Variants in SLC25A21 observed in about 807,000 individuals in gnomAD.
The protein encoded by SLC25A21 is mitochondrial 2-oxodicarboxylate carrier.
Under a neutral mutation model 43.8 loss-of-function variants are expected in SLC25A21, and 47 were observed. The observed-to-expected ratio is 1.07, with a 90% CI of 0.85 to 1.37. The LOEUF is 1.37. Among genes scored for constraint, SLC25A21 ranks in the 40% most tolerant of loss-of-function variants. SLC25A21 has a pLI of 0.00. For synonymous variants in SLC25A21, 131 were observed against 121.3 expected, an observed-to-expected ratio of 1.08 and a Z score of -0.52; for missense variants, 352 against 350.2, an observed-to-expected ratio of 1.00 and a Z score of -0.04.
At chr14:36,802,454 C>G (rs1357475027) in intron 3 of SLC25A21, among the ~76,000 whole-genome samples, 1 of 152,078 alleles carries the variant, frequency 6.6e-6, no homozygotes, top group East Asian at 1.9e-4. Flanking sequence ...TATTTATATT[C>G]CATATATTAA....
intron 1 of SLC25A21, among the ~76,000 whole-genome samples, chr14:36,921,214 G>A (rs1382079586): frequency 5.3e-5 from 8 of 152,092 alleles, no homozygotes; most frequent in Non-Finnish European, 1.2e-4. Context: ...AATTGACCTT[G>A]TTTCTATATG....
chr14:37,081,178 G>A (rs1308249529), intron 1 of SLC25A21, among the ~76,000 whole-genome samples: 1 of 152,190 alleles, frequency 6.6e-6, no homozygotes, highest in African/African-American at 2.4e-5. Flanking sequence ...TTGGGAACGT[G>A]AGAAAAGCCG....
intron 6 of SLC25A21, among the ~76,000 whole-genome samples, chr14:36,722,948 C>T (rs775060856): frequency 6.6e-6 from 1 of 152,128 alleles, no homozygotes; most frequent in Non-Finnish European, 1.5e-5. Flanking sequence ...TTATACTTAA[C>T]AACCCACAAA....
chr14:37,149,245 G>C (rs2138931619), intron 1 of SLC25A21, among the ~76,000 whole-genome samples: 1 of 151,816 alleles, frequency 6.6e-6, no homozygotes, highest in South Asian at 2.1e-4. Context: ...CAAAATACAA[G>C]GTATACACCA....
chr14:36,705,073 C>T (rs534978047), intron 7 of SLC25A21, among the ~76,000 whole-genome samples: 4 of 151,940 alleles, frequency 2.6e-5, no homozygotes, highest in South Asian at 2.1e-4. Flanking sequence ...TTTTTTGAGA[C>T]GGATCTCACT....
At position 37,135,524 on chromosome 14, in the gene SLC25A21, A is replaced by G. The variant is rs368209142; in HGVS notation, c.70+36757T>C. 1.2e-4 allele frequency among the ~76,000 whole-genome samples: 18 copies of G among 152,330 alleles called. No individual in the cohort carries two copies. The South Asian group carries it at 1.4e-3, about 12-fold the overall frequency. ...ATTACAGGCATGAGCCACCATGTCC[A>G]GCAGAAAAACTAAAAATTCTATGTC... On this transcript the variant is annotated intron_variant, in intron 1 of 9. Coordinates refer to ENST00000331299, the MANE Select transcript of SLC25A21 (RefSeq NM_030631.4).
intron 1 of SLC25A21, among the ~76,000 whole-genome samples, chr14:37,166,427 C>T (rs1032112880): frequency 3.9e-5 from 6 of 152,300 alleles, no homozygotes; most frequent in Admixed American, 2.0e-4. Flanking sequence ...GACTTGACTT[C>T]GTCTTTCCAA....
chr14:37,072,227 T>C lies in SLC25A21; in HGVS notation c.70+100054A>G, dbSNP rs114864158. The stretch of plus-strand genomic sequence containing the variant: ...TGGAGGAAATACATCTTGAAATTTG[T>C]AAAACAGCATTTCCATTCTCACTGT... On this transcript the variant is annotated intron_variant, in intron 1 of 9. Transcript: ENST00000331299. Among the ~76,000 whole-genome samples, 1,218 of 151,122 alleles carry C rather than the reference T, an allele frequency of 8.1e-3. 21 individuals carry two copies. The highest frequency in any genetic ancestry group is 0.028 in the African/African-American group (1,153 of 41,076).
In SLC25A21 at chr14:37,096,466, CTT is replaced by C. The variant is rs796683697; in HGVS notation, c.70+75813_70+75814del. 5.9e-5 allele frequency among the ~76,000 whole-genome samples: 9 copies of C among 152,304 alleles called. No individual in the cohort carries two copies. The South Asian group carries it at 1.9e-3, about 32-fold the overall frequency. ...TTGAATAAACTGTCTACCCTGATCTCTTTTTCCTACATCCTCTTTAAGGCCAA... is the reference window on the plus strand; with the variant it reads ...TTGAATAAACTGTCTACCCTGATCTCTTTCCTACATCCTCTTTAAGGCCAA... On this transcript the variant is annotated intron_variant, in intron 1 of 9. Coordinates refer to ENST00000331299, the MANE Select transcript of SLC25A21 (RefSeq NM_030631.4).
chr14:36,955,622 C>G (rs186212119), intron 1 of SLC25A21, among the ~76,000 whole-genome samples: 1 of 152,166 alleles, frequency 6.6e-6, no homozygotes, highest in African/African-American at 2.4e-5. Context: ...AGATGACAAA[C>G]CAAGATTAAA....
At chr14:36,699,324 A>G (rs577119041) in intron 7 of SLC25A21, among the ~76,000 whole-genome samples, 1 of 152,142 alleles carries the variant, frequency 6.6e-6, no homozygotes, top group Admixed American at 6.5e-5. Flanking sequence ...TGGAAGCTTC[A>G]ACCCAGAGGG....
chr14:36,809,883 A>C (rs904751391), intron 3 of SLC25A21, among the ~76,000 whole-genome samples: 3 of 152,206 alleles, frequency 2.0e-5, no homozygotes, highest in African/African-American at 7.2e-5. Context: ...AGTAGGAAAG[A>C]CATCTTTGAA....
At chr14:36,853,065 T>C (rs1045525551) in intron 2 of SLC25A21, among the ~76,000 whole-genome samples, 1 of 152,142 alleles carries the variant, frequency 6.6e-6, no homozygotes, top group Admixed American at 6.5e-5. Flanking sequence ...CTTGTCTCAG[T>C]AGCCAAAATA....
intron 1 of SLC25A21, among the ~76,000 whole-genome samples, chr14:37,155,172 G>A (rs945521690): frequency 2.0e-5 from 3 of 151,790 alleles, no homozygotes; most frequent in Non-Finnish European, 4.4e-5. Flanking sequence ...CGAGATTCCA[G>A]CAATCCTCCT....
At chr14:36,695,972 C>A (rs1228426995) in intron 7 of SLC25A21, among the ~76,000 whole-genome samples, 1 of 152,170 alleles carries the variant, frequency 6.6e-6, no homozygotes, top group African/African-American at 2.4e-5. Flanking sequence ...CAGAGGGCAT[C>A]CTTGTCTTGT....
intron 1 of SLC25A21, among the ~76,000 whole-genome samples, chr14:37,085,686 G>A (rs895510822): frequency 6.6e-6 from 1 of 152,190 alleles, no homozygotes; most frequent in Non-Finnish European, 1.5e-5. Context: ...ATTATGAGCT[G>A]TAATTCACTC....
At chr14:36,808,467 G>A (rs896592399) in intron 3 of SLC25A21, among the ~76,000 whole-genome samples, 12 of 152,160 alleles carry the variant, frequency 7.9e-5, no homozygotes, top group African/African-American at 2.9e-4. Context: ...ATATAAAGCT[G>A]CTTTAAGTCG....
At chr14:36,841,469 C>T (rs1889381554) in intron 2 of SLC25A21, among the ~76,000 whole-genome samples, 1 of 152,086 alleles carries the variant, frequency 6.6e-6, no homozygotes, top group African/African-American at 2.4e-5. Context: ...CCTCCGAATC[C>T]TCCTGCATTT....
intron 2 of SLC25A21, among the ~76,000 whole-genome samples, chr14:36,816,402 A>G (rs1033447851): frequency 6.6e-6 from 1 of 152,180 alleles, no homozygotes; most frequent in Non-Finnish European, 1.5e-5. Context: ...TAGAATATAA[A>G]TAAAGGTGAC....
Sources: allele counts gnomAD v4.1 joint callset (sites outside exome capture counted in the v4.1 genomes callset), GRCh38; gene constraint gnomAD v4.1.1; transcripts MANE v1.5; gene names NCBI Gene and HGNC (gene_info 2026-07-23, HGNC 2026-07-21).